The following RORB variants were observed in gnomAD, a reference collection of about 807,000 sequenced individuals.
RORB encodes the protein nuclear receptor ROR-beta.
RORB carries 6 observed loss-of-function variants against 59.1 expected under a neutral mutation model. The observed-to-expected ratio is 0.10, with a 90% CI of 0.06 to 0.20. The LOEUF is 0.20. Among genes scored for constraint, RORB ranks in the 10% least tolerant of loss-of-function variants. The pLI is 1.00. For synonymous variants in RORB, 215 were observed against 204.5 expected, an observed-to-expected ratio of 1.05 and a Z score of -0.44; for missense variants, 320 against 560.5, an observed-to-expected ratio of 0.57 and a Z score of 4.33.
chr9:74,583,697 C>G (rs971573193), intron 1 of RORB, among the ~76,000 whole-genome samples: 1 of 152,158 alleles, frequency 6.6e-6, no homozygotes, highest in East Asian at 1.9e-4. Context: ...ATCCTTAGAA[C>G]TCAGGCTGTA....
At chr9:74,683,661 C>T (rs1305957470) in intron 9 of RORB, among the ~76,000 whole-genome samples, 3 of 152,148 alleles carry the variant, frequency 2.0e-5, no homozygotes, top group Non-Finnish European at 4.4e-5. Context: ...AGGTCTCTCA[C>T]TCTTCCATCA....
chr9:74,557,408 A>G (rs1822322737), intron 1 of RORB, among the ~76,000 whole-genome samples: 1 of 152,162 alleles, frequency 6.6e-6, no homozygotes, highest in African/African-American at 2.4e-5. Context: ...TTACACACAG[A>G]GGAGAATAGT....
At chr9:74,663,284 T>C (rs1040345468) in intron 6 of RORB, among the ~76,000 whole-genome samples, 2 of 152,182 alleles carry the variant, frequency 1.3e-5, no homozygotes, top group Non-Finnish European at 2.9e-5. Flanking sequence ...AATAACATAC[T>C]CATAAGTAAA....
rs546221943 is a variant in RORB, at chr9:74,501,809, A to G, written c.7+3826A>G. On this transcript the variant is annotated intron_variant, in intron 1 of 9. Coordinates refer to ENST00000376896, the MANE Select transcript of RORB (RefSeq NM_006914.4). ...GTACCACCAAGGCTTTTACTTTTCT[A>G]TATTTTCTAACAATCACGAATTGGG... 5.3e-5 allele frequency among the ~76,000 whole-genome samples: 8 copies of G among 152,320 alleles called. No homozygotes were observed. In the South Asian group the frequency reaches 1.7e-3, roughly 32 times the overall value.
At chr9:74,682,786 C>A (rs932631279) in intron 9 of RORB, among the ~76,000 whole-genome samples, 1 of 152,158 alleles carries the variant, frequency 6.6e-6, no homozygotes, top group African/African-American at 2.4e-5. Flanking sequence ...GAGACAAAGT[C>A]TTGCTATGTT....
chr9:74,566,567 T>G (rs1822472720), intron 1 of RORB, among the ~76,000 whole-genome samples: 1 of 152,036 alleles, frequency 6.6e-6, no homozygotes, highest in African/African-American at 2.4e-5. Context: ...GAAGCCGAGG[T>G]GGGTGGATCA....
chr9:74,610,182 T>C (rs773360712), intron 1 of RORB, among the ~76,000 whole-genome samples: 4 of 152,220 alleles, frequency 2.6e-5, no homozygotes, highest in Non-Finnish European at 5.9e-5. Flanking sequence ...TTACTGTACC[T>C]CATAAAGATC....
chr9:74,541,236 C>T (rs938977162), intron 1 of RORB, among the ~76,000 whole-genome samples: 27 of 134,790 alleles, frequency 2.0e-4, no homozygotes, highest in Non-Finnish European at 2.9e-4. Context: ...GCCAAGATCG[C>T]GCCACTGCTC....
intron 1 of RORB, among the ~76,000 whole-genome samples, chr9:74,606,679 G>C (rs887303776): frequency 6.6e-6 from 1 of 152,188 alleles, no homozygotes; most frequent in Non-Finnish European, 1.5e-5. Flanking sequence ...GAAGACGTAA[G>C]ATGAGAAACT....
intron 1 of RORB, among the ~76,000 whole-genome samples, chr9:74,614,614 A>T (rs1426827367): frequency 2.0e-5 from 3 of 152,036 alleles, no homozygotes; most frequent in Non-Finnish European, 4.4e-5. Context: ...AAATAAGAAA[A>T]GGTTTGTGAT....
At chr9:74,623,356 T>C (rs1436513502) in intron 1 of RORB, among the ~76,000 whole-genome samples, 3 of 152,068 alleles carry the variant, frequency 2.0e-5, no homozygotes, top group Non-Finnish European at 4.4e-5. Flanking sequence ...CACTGGGTGT[T>C]AATTACAGTA....
intron 1 of RORB, among the ~76,000 whole-genome samples, chr9:74,506,208 T>C (rs760374873): frequency 3.3e-5 from 5 of 151,980 alleles, no homozygotes; most frequent in Non-Finnish European, 5.9e-5. Context: ...AGTAATAGAG[T>C]ATGTAGGCCG....
At chr9:74,559,615 A>G (rs1311224432) in intron 1 of RORB, among the ~76,000 whole-genome samples, 2 of 152,162 alleles carry the variant, frequency 1.3e-5, no homozygotes, top group Admixed American at 6.6e-5. Context: ...AAATCCAGAT[A>G]TTTCAGACTG....
At chr9:74,629,370 C>T (rs949938978) in intron 1 of RORB, among the ~76,000 whole-genome samples, 2 of 151,740 alleles carry the variant, frequency 1.3e-5, no homozygotes, top group African/African-American at 4.8e-5. Context: ...CTCTGCCTAA[C>T]CCCAGGAACT....
chr9:74,575,701 A>G (rs1024347156), intron 1 of RORB, among the ~76,000 whole-genome samples: 1 of 152,082 alleles, frequency 6.6e-6, no homozygotes, highest in East Asian at 1.9e-4. Flanking sequence ...AATGTTGTTC[A>G]GTTTCCTGTA....
At chr9:74,509,014 G>A (rs570375167) in intron 1 of RORB, among the ~76,000 whole-genome samples, 22 of 151,828 alleles carry the variant, frequency 1.4e-4, no homozygotes, top group African/African-American at 4.1e-4. Context: ...TGCAACCTCC[G>A]CTACCGTTTG....
intron 1 of RORB, among the ~76,000 whole-genome samples, chr9:74,567,916 G>T (rs1384854279): frequency 2.0e-5 from 3 of 152,208 alleles, no homozygotes; most frequent in Non-Finnish European, 4.4e-5. Context: ...CAGGTGACTT[G>T]TCATAGAGCT....
intron 1 of RORB, among the ~76,000 whole-genome samples, chr9:74,595,822 T>C (rs1822962298): frequency 6.6e-6 from 1 of 152,154 alleles, no homozygotes; most frequent in Non-Finnish European, 1.5e-5. Context: ...CTGGAGTTTT[T>C]TGGGGTCACG....
chr9:74,529,082 A>G (rs1166647123), intron 1 of RORB, among the ~76,000 whole-genome samples: 2 of 152,036 alleles, frequency 1.3e-5, no homozygotes, highest in Non-Finnish European at 2.9e-5. Context: ...AGAGTAGAGG[A>G]AATATTATTG....
Sources: gnomAD v4.1 joint callset for allele counts (sites outside exome capture counted in the v4.1 genomes callset) on GRCh38, gnomAD v4.1.1 for gene constraint, MANE v1.5 for transcripts, NCBI Gene and HGNC (gene_info 2026-07-23, HGNC 2026-07-21) for gene names.